KAT6B: variants seen among roughly 807,000 people sequenced by gnomAD.
The protein encoded by KAT6B is lysine acetyltransferase 6B.
KAT6B carries 10 observed loss-of-function variants against 187.5 expected under a neutral mutation model. The observed-to-expected ratio is 0.05, with a 90% confidence interval of 0.03 to 0.09. The LOEUF (loss-of-function observed/expected upper bound fraction) is 0.09, where lower values mean the gene tolerates loss of function less well. Ranked by LOEUF, KAT6B falls within the 10% of genes least tolerant of loss-of-function variation. KAT6B has a pLI of 1.00. For synonymous variants in KAT6B, 861 were observed against 926.8 expected, an observed-to-expected ratio of 0.93 and a Z score of 1.29; for missense variants, 1,952 against 2,558.9, an observed-to-expected ratio of 0.76 and a Z score of 5.12.
intron 1 of KAT6B, among the ~76,000 whole-genome samples, chr10:74,835,836 A>C (rs1431551913): frequency 2.0e-5 from 3 of 152,204 alleles, no homozygotes; most frequent in Non-Finnish European, 4.4e-5. Flanking sequence ...GGTGAAACTC[A>C]CATAACATAA....
chr10:74,901,158 A>C (rs1009324329), intron 3 of KAT6B, among the ~76,000 whole-genome samples: 2 of 152,324 alleles, frequency 1.3e-5, no homozygotes, highest in Admixed American at 6.5e-5. Context: ...TTACCGTTGA[A>C]TCAAAATTTT....
At chr10:74,886,561 C>T (rs371162160) in intron 3 of KAT6B, among the ~76,000 whole-genome samples, 1 of 152,170 alleles carries the variant, frequency 6.6e-6, no homozygotes, top group Non-Finnish European at 1.5e-5. Context: ...TCCGCTCCCC[C>T]GTGCCCCACA....
At chr10:74,880,936 T>TG (rs1844808318) in intron 3 of KAT6B, among the ~76,000 whole-genome samples, 1 of 150,924 alleles carries the variant, frequency 6.6e-6, no homozygotes, top group Non-Finnish European at 1.5e-5. Flanking sequence ...CTCTCTTTTT[T>TG]TTTTTGAGAC....
intron 3 of KAT6B, among the ~76,000 whole-genome samples, chr10:74,942,778 A>AAAT (rs1849780168): frequency 6.7e-6 from 1 of 150,170 alleles, no homozygotes; most frequent in South Asian, 2.1e-4. Flanking sequence ...AAAAAAAAAA[A>AAAT]AAAAAAAAAA....
intron 3 of KAT6B, among the ~76,000 whole-genome samples, chr10:74,947,141 C>T (rs1345291430): frequency 1.3e-5 from 2 of 152,078 alleles, no homozygotes; most frequent in East Asian, 1.9e-4. Context: ...GGATTACAGC[C>T]GTGTGCTACC....
At chr10:74,920,634 C>A (rs1293400075) in intron 3 of KAT6B, among the ~76,000 whole-genome samples, 1 of 151,980 alleles carries the variant, frequency 6.6e-6, no homozygotes. Context: ...TGGATAAGGT[C>A]CCTGTCTGCT....
intron 3 of KAT6B, among the ~76,000 whole-genome samples, chr10:74,857,912 C>T (rs1160882443): frequency 6.6e-6 from 1 of 152,026 alleles, no homozygotes; most frequent in Non-Finnish European, 1.5e-5. Flanking sequence ...GTCCTAACTA[C>T]TTGGGAGGCT....
rs550853894 is a variant in KAT6B at position 74,849,774 on chromosome 10, G to A, written c.621+6296G>A. The stretch of plus-strand genomic sequence containing the variant: ...GACTTGTCACAATAACTGCAAGGGA[G>A]GTAGATTATTACCCTTATTTTACAG... On this transcript the variant is annotated intron_variant, in intron 3 of 17. Coordinates refer to ENST00000287239, the MANE Select transcript of KAT6B (RefSeq NM_012330.4). Among the ~76,000 whole-genome samples the A allele has an allele frequency of 1.7e-4, 26 of 152,286 alleles. 1 individual carries two copies. In the South Asian group the frequency reaches 5.4e-3, roughly 32 times the overall value.
At chr10:75,001,702 T>TTG (rs1300000165) in intron 13 of KAT6B, among the ~76,000 whole-genome samples, 1 of 152,176 alleles carries the variant, frequency 6.6e-6, no homozygotes, top group Non-Finnish European at 1.5e-5. Flanking sequence ...TTAAGAGTGT[T>TTG]TTTAAGTAGA....
At chr10:74,968,715 A>G (rs1462903993) in intron 4 of KAT6B, among the ~76,000 whole-genome samples, 1 of 152,202 alleles carries the variant, frequency 6.6e-6, no homozygotes, top group Non-Finnish European at 1.5e-5. Flanking sequence ...GTTTAAAAAA[A>G]TAAAATCAAG....
At chr10:74,966,458 CTG>C (rs1370546141) in intron 4 of KAT6B, among the ~76,000 whole-genome samples, 1 of 152,206 alleles carries the variant, frequency 6.6e-6, no homozygotes, top group East Asian at 1.9e-4. Context: ...ACTACAGAGC[CTG>C]TGTTTTTTCT....
At position 75,029,049 on chromosome 10, in the gene KAT6B, G is replaced by A. The variant is rs370657796; in HGVS notation, c.4225G>A (p.Glu1409Lys). Reference protein sequence around the residue: ...KEDSARLDDHEEEEEEDEEPS... With the variant: ...KEDSARLDDHKEEEEEDEEPS... The stretch of plus-strand genomic sequence containing the variant: ...AGACTCTGCACGTTTGGATGATCAC[G>A]AAGAGGAGGAGGAAGAGGATGAAGA... Residue 1409 changes from glutamate (E) to lysine (K), a missense_variant, in exon 18 of 18, where the codon GAA (glutamate) becomes AAA (lysine). By Grantham distance (56) the Glu-to-Lys change is moderately conservative. Coordinates refer to ENST00000287239, the MANE Select transcript of KAT6B (RefSeq NM_012330.4). The surrounding 1 kb of genome is among the most constrained non-coding windows in gnomAD (Gnocchi z 6.2). The A allele has an allele frequency of 1.8e-5, 29 of 1,614,044 alleles. No homozygotes were observed. Among genetic ancestry groups the A allele is most frequent in the Middle Eastern group, 1.6e-4 (1 of 6,084 alleles).
chr10:74,931,086 G>T (rs145693659), intron 3 of KAT6B, among the ~76,000 whole-genome samples: 3 of 152,308 alleles, frequency 2.0e-5, no homozygotes, highest in African/African-American at 7.2e-5. Context: ...AAGCAGAAGT[G>T]CCTGGGTGCC....
At chr10:74,910,553 G>C (rs7092435) in intron 3 of KAT6B, among the ~76,000 whole-genome samples, 39,132 of 151,710 alleles carry the variant, frequency 0.26, 8,519 homozygotes, top group African/African-American at 0.57. Flanking sequence ...ACCTTTTGCT[G>C]ATGGTCATTG....
chr10:75,007,013 A>T (rs1042995959), intron 13 of KAT6B, among the ~76,000 whole-genome samples: 1 of 150,892 alleles, frequency 6.6e-6, no homozygotes. Flanking sequence ...GGTTGCAGTG[A>T]GCTGAGATCG....
chr10:75,003,200 T>C (rs1006262735), intron 13 of KAT6B: 1 of 152,256 alleles, frequency 6.6e-6, no homozygotes, highest in African/African-American at 2.4e-5. Context: ...AAAGCAGAGC[T>C]GTGACATAAT....
intron 1 of KAT6B, among the ~76,000 whole-genome samples, chr10:74,833,277 G>T (rs759745376): frequency 1.3e-5 from 2 of 151,058 alleles, no homozygotes; most frequent in African/African-American, 2.4e-5. Context: ...GCCAAAAAAA[G>T]ACACTCTAAA....
intron 3 of KAT6B, among the ~76,000 whole-genome samples, chr10:74,906,096 A>T (rs914300499): frequency 3.9e-5 from 6 of 152,160 alleles, no homozygotes; most frequent in African/African-American, 1.4e-4. Flanking sequence ...GCAATAACTG[A>T]TTAATAGAAA....
Position 75,031,051 on chromosome 10 carries a change from C to T in KAT6B, c.*5C>T, listed in dbSNP as rs535624362. 59 of 1,613,998 alleles carry T rather than the reference C, an allele frequency of 3.7e-5. No homozygotes were observed. Among genetic ancestry groups the T allele is most frequent in the African/African-American group, 5.3e-5 (4 of 75,006 alleles). ...GGCTCCTACATGAGAAGGTAGACAA[C>T]GTGGGCAGTCCACAAAACCTACGGG... is the stretch of plus-strand genomic sequence containing the variant. On this transcript the variant is annotated 3_prime_UTR_variant, in exon 18 of 18. Transcript: ENST00000287239.
Sources: gnomAD v4.1 joint callset for allele counts (sites outside exome capture counted in the v4.1 genomes callset) on GRCh38, gnomAD v4.1.1 for gene constraint, Gnocchi (gnomAD v3.1) non-coding constraint, MANE v1.5 for transcripts, NCBI Gene and HGNC (gene_info 2026-07-23, HGNC 2026-07-21) for gene names.